Variants in NCAM2 observed in about 807,000 individuals in gnomAD.
NCAM2 encodes neural cell adhesion molecule 2.
In NCAM2, 30 loss-of-function variants were observed where a neutral mutation model predicts 98.1. The ratio of observed to expected loss-of-function variants is 0.31; its 90% CI spans 0.23 to 0.41. NCAM2 has a LOEUF of 0.41. Among genes scored for constraint, NCAM2 ranks in the 10% least tolerant of loss-of-function variants. The probability of loss-of-function intolerance (pLI) is 1.00; values close to 1 mark genes in which losing one functional copy is unlikely to be tolerated. For synonymous variants in NCAM2, 368 were observed against 342.4 expected, an observed-to-expected ratio of 1.07 and a Z score of -0.83; for missense variants, 867 against 1,005.8, an observed-to-expected ratio of 0.86 and a Z score of 1.87.
chr21:21,066,268 T>G (rs1418093659), intron 1 of NCAM2, among the ~76,000 whole-genome samples: 1 of 152,208 alleles, frequency 6.6e-6, no homozygotes, highest in Admixed American at 6.5e-5. Flanking sequence ...TACAGTTTTT[T>G]GTTACCATAC....
chr21:21,528,895 T>C (rs1989474920), intron 16 of NCAM2, among the ~76,000 whole-genome samples: 1 of 152,102 alleles, frequency 6.6e-6, no homozygotes, highest in South Asian at 2.1e-4. Context: ...GAAATATAAT[T>C]ATATAACTTC....
intron 1 of NCAM2, among the ~76,000 whole-genome samples, chr21:21,175,442 A>G (rs532221493): frequency 1.8e-4 from 27 of 152,322 alleles, no homozygotes; most frequent in Admixed American, 9.8e-4. Context: ...CTGAGGCAGG[A>G]CAATCACTTG....
intron 6 of NCAM2, among the ~76,000 whole-genome samples, chr21:21,332,751 G>T (rs773167424): frequency 2.0e-5 from 3 of 152,076 alleles, no homozygotes; most frequent in African/African-American, 7.2e-5. Context: ...GACTCTGTTC[G>T]TGTTCTCTGC....
At chr21:21,490,921 T>C (rs770945237) in intron 15 of NCAM2, among the ~76,000 whole-genome samples, 6 of 151,900 alleles carry the variant, frequency 3.9e-5, no homozygotes, top group Non-Finnish European at 5.9e-5. Flanking sequence ...TTAAATGTCA[T>C]TTTATTTTCT....
intron 13 of NCAM2, among the ~76,000 whole-genome samples, chr21:21,467,515 T>C (rs894540078): frequency 2.6e-5 from 4 of 151,012 alleles, no homozygotes; most frequent in African/African-American, 9.7e-5. Flanking sequence ...ATAAAATCTG[T>C]CAGGTAAGTT....
chr21:21,522,673 C>T (rs1276871316), intron 16 of NCAM2, among the ~76,000 whole-genome samples: 4 of 129,558 alleles, frequency 3.1e-5, no homozygotes, highest in African/African-American at 2.7e-5. Flanking sequence ...CTCTGTTGCC[C>T]GGTCTGGAGT....
At chr21:21,447,808 G>A (rs1980416369) in intron 12 of NCAM2, among the ~76,000 whole-genome samples, 1 of 152,048 alleles carries the variant, frequency 6.6e-6, no homozygotes, top group Admixed American at 6.6e-5. Flanking sequence ...TAACATCACT[G>A]ATCATTAGAG....
intron 1 of NCAM2, among the ~76,000 whole-genome samples, chr21:21,119,530 C>A (rs1386601035): frequency 6.7e-6 from 1 of 149,894 alleles, no homozygotes; most frequent in Non-Finnish European, 1.5e-5. Context: ...TTTGTTATTG[C>A]TAGAATCACT....
chr21:20,999,047 C>T (rs2146090104), intron 1 of NCAM2, among the ~76,000 whole-genome samples: 1 of 152,244 alleles, frequency 6.6e-6, no homozygotes, highest in South Asian at 2.1e-4. Context: ...TGCAAAATAT[C>T]TGCTGTGTGC....
At chr21:21,130,720 T>A (rs563578655) in intron 1 of NCAM2, among the ~76,000 whole-genome samples, 1 of 86,344 alleles carries the variant, frequency 1.2e-5, no homozygotes, top group African/African-American at 3.9e-5. Flanking sequence ...CTTTTGCCTC[T>A]ATGTAAATTA....
intron 1 of NCAM2, among the ~76,000 whole-genome samples, chr21:21,061,515 G>C (rs990915237): frequency 2.6e-5 from 4 of 152,066 alleles, no homozygotes; most frequent in Non-Finnish European, 5.9e-5. Context: ...AAAGTATGAA[G>C]CCCCTTTGAT....
chr21:21,276,839 C>T (rs932622527), intron 1 of NCAM2, among the ~76,000 whole-genome samples: 1 of 151,812 alleles, frequency 6.6e-6, no homozygotes, highest in African/African-American at 2.4e-5. Context: ...GCCCATTCAC[C>T]AAAATGTCCA....
chr21:21,154,092 A>T (rs142336393), intron 1 of NCAM2, among the ~76,000 whole-genome samples: 4 of 151,928 alleles, frequency 2.6e-5, no homozygotes, highest in Non-Finnish European at 5.9e-5. Context: ...ATGTTCATGT[A>T]TATTGTCTGT....
intron 1 of NCAM2, among the ~76,000 whole-genome samples, chr21:21,193,771 G>A (rs2068908089): frequency 6.6e-6 from 1 of 152,046 alleles, no homozygotes; most frequent in African/African-American, 2.4e-5. Context: ...TGGGATTACA[G>A]GCATGAGCCA....
At chr21:21,101,049 G>A (rs971753151) in intron 1 of NCAM2, among the ~76,000 whole-genome samples, 4 of 151,836 alleles carry the variant, frequency 2.6e-5, no homozygotes, top group African/African-American at 9.7e-5. Context: ...TGTATGTAAT[G>A]TATCATATTG....
intron 9 of NCAM2, among the ~76,000 whole-genome samples, chr21:21,374,693 C>T (rs748846912): frequency 1.3e-4 from 19 of 151,754 alleles, no homozygotes; most frequent in Admixed American, 2.0e-4. Context: ...TAACATCATT[C>T]TCAATAAATA....
At chr21:21,278,800 AT>A (rs536603715) in intron 1 of NCAM2, among the ~76,000 whole-genome samples, 7 of 151,720 alleles carry the variant, frequency 4.6e-5, no homozygotes, top group South Asian at 2.1e-4. Flanking sequence ...TTATTTATTT[AT>A]TTTTTTTGGT....
At chr21:21,311,225 T>C (rs2147716916) in intron 5 of NCAM2, among the ~76,000 whole-genome samples, 1 of 152,320 alleles carries the variant, frequency 6.6e-6, no homozygotes, top group African/African-American at 2.4e-5. Context: ...ATGGTATATA[T>C]TTTTGTTGTT....
At chr21:21,328,362 T>C (rs2074576226) in intron 6 of NCAM2, among the ~76,000 whole-genome samples, 2 of 152,196 alleles carry the variant, frequency 1.3e-5, no homozygotes, top group East Asian at 3.8e-4. Flanking sequence ...GTGTACTCCT[T>C]CTACTTATAA....
Sources: allele counts gnomAD v4.1 joint callset (sites outside exome capture counted in the v4.1 genomes callset), GRCh38; gene constraint gnomAD v4.1.1; transcripts MANE v1.5; gene names NCBI Gene and HGNC (gene_info 2026-07-23, HGNC 2026-07-21).